Variants in COMMD10 observed in about 807,000 individuals in gnomAD.
COMMD10 encodes the protein COMM domain-containing protein 10.
COMMD10 carries 33 observed loss-of-function variants against 28.9 expected under a neutral mutation model. The ratio of observed to expected loss-of-function variants is 1.14; its 90% CI spans 0.87 to 1.53. The LOEUF (loss-of-function observed/expected upper bound fraction) is 1.53, where lower values mean the gene tolerates loss of function less well. Among genes scored for constraint, COMMD10 ranks in the 40% most tolerant of loss-of-function variants. The pLI is 0.00. For missense variants in COMMD10, 310 were observed against 233.4 expected (o/e 1.33, Z -2.14); for synonymous variants, 110 against 81.7 (o/e 1.35, Z -1.87).
intron 5 of COMMD10, among the ~76,000 whole-genome samples, chr5:116,285,260 A>G (rs892181766): frequency 7.2e-5 from 11 of 151,984 alleles, no homozygotes; most frequent in African/African-American, 2.7e-4. Flanking sequence ...TATACTCCTT[A>G]CTTGATAAGA....
intron 5 of COMMD10, among the ~76,000 whole-genome samples, chr5:116,134,746 C>T (rs1462033084): frequency 5.9e-5 from 9 of 152,088 alleles, no homozygotes; most frequent in African/African-American, 1.4e-4. Flanking sequence ...CTCAGCCTCC[C>T]GAGTAGCTGG....
At chr5:116,280,549 C>G (rs148993317) in intron 5 of COMMD10, among the ~76,000 whole-genome samples, 1 of 151,916 alleles carries the variant, frequency 6.6e-6, no homozygotes, top group East Asian at 1.9e-4. Flanking sequence ...ACGTCTATTC[C>G]TTGCCATGGT....
chr5:116,120,932 A>C (rs1751408630), intron 4 of COMMD10, among the ~76,000 whole-genome samples: 1 of 151,464 alleles, frequency 6.6e-6, no homozygotes, highest in Non-Finnish European at 1.5e-5. Context: ...GTATATGTTT[A>C]TGTATATGTT....
chr5:116,276,991 A>C (rs1176744785), intron 5 of COMMD10, among the ~76,000 whole-genome samples: 2 of 151,806 alleles, frequency 1.3e-5, no homozygotes, highest in Admixed American at 1.3e-4. Flanking sequence ...CATTCTAAAA[A>C]CCATTGAATT....
intron 5 of COMMD10, among the ~76,000 whole-genome samples, chr5:116,275,345 C>G (rs546969653): frequency 1.3e-5 from 2 of 151,822 alleles, no homozygotes; most frequent in African/African-American, 4.9e-5. Context: ...GGAATATCCC[C>G]CATCCTGCTT....
intron 5 of COMMD10, among the ~76,000 whole-genome samples, chr5:116,252,907 T>C (rs1349551604): frequency 1.8e-5 from 2 of 112,458 alleles, no homozygotes; most frequent in African/African-American, 6.8e-5. Context: ...GCCATTTTCA[T>C]GATATTGATT....
chr5:116,182,408 G>A (rs939340067), intron 5 of COMMD10, among the ~76,000 whole-genome samples: 11 of 151,930 alleles, frequency 7.2e-5, no homozygotes, highest in Admixed American at 5.9e-4. Context: ...GGGAAGAGGT[G>A]TGGGGGGTGG....
intron 5 of COMMD10, among the ~76,000 whole-genome samples, chr5:116,149,086 CAT>C (rs1161726924): frequency 1.4e-5 from 2 of 145,960 alleles, no homozygotes; most frequent in East Asian, 2.1e-4. Flanking sequence ...CCACCTATGA[CAT>C]AGTGAGAATA....
chr5:116,231,009 C>G (rs1009469497), intron 5 of COMMD10, among the ~76,000 whole-genome samples: 6 of 152,104 alleles, frequency 3.9e-5, no homozygotes, highest in African/African-American at 1.4e-4. Flanking sequence ...CCTCTGGCTC[C>G]TCTTTTTTAA....
chr5:116,283,889 G>A lies in COMMD10; in HGVS notation c.511-7628G>A, dbSNP rs114991963. On this transcript the variant is annotated intron_variant, in intron 5 of 6. Coordinates refer to ENST00000274458, the MANE Select transcript of COMMD10 (RefSeq NM_016144.4). Reference sequence around the variant, plus strand: ...TCATGCCTGTAATCCCAACACTTTGGGAGGCTAAGGTGGGAGGATCACTTG... The same window carrying A: ...TCATGCCTGTAATCCCAACACTTTGAGAGGCTAAGGTGGGAGGATCACTTG... Among the ~76,000 whole-genome samples the A allele has an allele frequency of 5.6e-3, 844 of 151,836 alleles. 22 individuals are homozygous for A. The highest frequency in any genetic ancestry group is 3.9e-3 in the Non-Finnish European group (267 of 68,004).
Position 116,092,684 on chromosome 5 carries a change from T to G in COMMD10, c.383T>G (p.Ile128Ser), listed in dbSNP as rs1129495. The G allele has an allele frequency of 0.07, 112,940 of 1,606,084 alleles. 5,451 individuals are homozygous for G. The highest frequency in any genetic ancestry group is 0.23 in the African/African-American group (16,872 of 74,726). Residue 128 changes from isoleucine to serine, a missense_variant, in exon 4 of 7, where the codon ATT becomes AGT. Coordinates refer to ENST00000274458, the MANE Select transcript of COMMD10 (RefSeq NM_016144.4). ...ACAGTTGAAAAGTTCCGGCAGAGAA[T>G]TCTGGCTCCCTGTAAGGTATAGAAC... is the stretch of plus-strand genomic sequence containing the variant. ...QETVEKFRQR[I>S]LAPCKLETVG...
chr5:116,100,493 A>G (rs770096442), intron 4 of COMMD10, among the ~76,000 whole-genome samples: 35 of 147,442 alleles, frequency 2.4e-4, no homozygotes, highest in Non-Finnish European at 4.3e-4. Context: ...ATTTTTGTGC[A>G]TGGTATAAGA....
intron 4 of COMMD10, among the ~76,000 whole-genome samples, chr5:116,114,085 GGT>G (rs1272903869): frequency 6.6e-6 from 1 of 151,960 alleles, no homozygotes; most frequent in Non-Finnish European, 1.5e-5. Context: ...TGTGTGTTAG[GGT>G]GTGGGTTTTG....
At chr5:116,197,783 C>A (rs890112732) in intron 5 of COMMD10, among the ~76,000 whole-genome samples, 1 of 152,136 alleles carries the variant, frequency 6.6e-6, no homozygotes, top group Non-Finnish European at 1.5e-5. Context: ...AGTATAGTTC[C>A]CTGTGAAATA....
chr5:116,233,827 A>C (rs2112657009), intron 5 of COMMD10, among the ~76,000 whole-genome samples: 1 of 152,302 alleles, frequency 6.6e-6, no homozygotes, highest in East Asian at 1.9e-4. Context: ...GTGGTAGGAC[A>C]GATGATGTAA....
At chr5:116,196,550 C>T (rs1047147324) in intron 5 of COMMD10, among the ~76,000 whole-genome samples, 1 of 150,618 alleles carries the variant, frequency 6.6e-6, no homozygotes, top group Non-Finnish European at 1.5e-5. Context: ...CTCTGTGATT[C>T]CTGCTTTGGT....
intron 5 of COMMD10, among the ~76,000 whole-genome samples, chr5:116,180,610 TTC>T (rs1747923514): frequency 6.6e-6 from 1 of 152,098 alleles, no homozygotes; most frequent in Non-Finnish European, 1.5e-5. Flanking sequence ...TTATACGTTT[TTC>T]TCTTTTTGTG....
intron 5 of COMMD10, among the ~76,000 whole-genome samples, chr5:116,167,160 G>C (rs75696945): frequency 0.028 from 4,304 of 151,990 alleles, 101 homozygotes; most frequent in East Asian, 0.14. Flanking sequence ...ACATAAATGA[G>C]CTGATGGAGC....
intron 6 of COMMD10, among the ~76,000 whole-genome samples, 167 bp downstream of exon 6, chr5:116,291,743 A>G (rs1020608346): frequency 1.3e-5 from 2 of 151,210 alleles, no homozygotes; most frequent in African/African-American, 4.8e-5. Flanking sequence ...AGAAATGAAG[A>G]GAATTTGAAA....
Sources: gnomAD v4.1 joint callset for allele counts (sites outside exome capture counted in the v4.1 genomes callset) on GRCh38, gnomAD v4.1.1 for gene constraint, MANE v1.5 for transcripts, NCBI Gene and HGNC (gene_info 2026-07-23, HGNC 2026-07-21) for gene names.